The following MACROD2 variants were observed in gnomAD, a reference collection of about 807,000 sequenced individuals.
The protein encoded by MACROD2 is mono-ADP ribosylhydrolase 2, also known as ADP-ribose glycohydrolase MACROD2.
A neutral mutation model predicts 70.4 loss-of-function variants in MACROD2; 36 were observed. That is an observed-to-expected ratio of 0.51 (90% confidence interval 0.39 to 0.68). MACROD2 has a LOEUF of 0.68. MACROD2 is among the 30% of genes least tolerant of loss of function. MACROD2 has a pLI of 0.00. For missense variants in MACROD2, 496 were observed against 538.4 expected (o/e 0.92, Z 0.78); for synonymous variants, 172 against 178.8 (o/e 0.96, Z 0.30).
chr20:15,635,184 T>G (rs1231858872), intron 8 of MACROD2, among the ~76,000 whole-genome samples: 1 of 152,230 alleles, frequency 6.6e-6, no homozygotes, highest in Non-Finnish European at 1.5e-5. Flanking sequence ...TTTCCTGCAG[T>G]CAACTTTGAC....
At chr20:14,813,837 C>G (rs2072743297) in intron 5 of MACROD2, among the ~76,000 whole-genome samples, 1 of 151,982 alleles carries the variant, frequency 6.6e-6, no homozygotes, top group Admixed American at 6.6e-5. Context: ...TTCAGCCTTC[C>G]TCCCCTCCCT....
chr20:15,316,798 A>G (rs1000833418), intron 6 of MACROD2, among the ~76,000 whole-genome samples: 3 of 152,114 alleles, frequency 2.0e-5, no homozygotes, highest in Non-Finnish European at 4.4e-5. Context: ...GTAGGCCACA[A>G]AAACAATTTT....
intron 5 of MACROD2, among the ~76,000 whole-genome samples, chr20:15,021,248 A>ATGTATACACACACCTGTG (rs2075177557): frequency 1.9e-5 from 1 of 53,326 alleles, no homozygotes; most frequent in African/African-American, 9.1e-5. Flanking sequence ...ACCTGTGTGT[A>ATGTATACACACACCTGTG]TGTATACACA....
At position 14,484,202 on chromosome 20, in the gene MACROD2, A is replaced by G. The variant is rs990713600; in HGVS notation, c.272-9277A>G. ...GACTTATTTTAATAAACATATTTTA[A>G]TATGCATTTTAAAATAGTTATTAAA... On this transcript the variant is annotated intron_variant, in intron 3 of 17. Transcript: ENST00000684519. Among the ~76,000 whole-genome samples the G allele has an allele frequency of 3.3e-5, 5 of 152,200 alleles. No homozygotes were observed. In the East Asian group the frequency reaches 7.7e-4, roughly 23 times the overall value.
rs543348345 is a variant in MACROD2 at position 15,319,323 on chromosome 20, A to G, written c.540+89262A>G. 2.0e-4 allele frequency among the ~76,000 whole-genome samples: 31 copies of G among 152,354 alleles called. No individual in the cohort carries two copies. The East Asian group carries it at 6.0e-3, about 29-fold the overall frequency. On this transcript the variant is annotated intron_variant, in intron 6 of 17. Transcript: ENST00000684519. ...AATTCAAGAAGCTATAAATAAATGG[A>G]AGGCATCTAATGCTTATGAATTAGA...
In MACROD2 at chr20:15,807,297, C is replaced by T. The variant is rs1300515339; in HGVS notation, c.646-55448C>T. 3.9e-5 allele frequency among the ~76,000 whole-genome samples: 6 copies of T among 152,132 alleles called. No individual in the cohort carries two copies. In the South Asian group the frequency reaches 1.2e-3, roughly 32 times the overall value. ...ATTTTAGTGACCAAAACATGGCCTTCGTTAGGCTATGATTTTGGTGACTGA... is the reference window on the plus strand; with the variant it reads ...ATTTTAGTGACCAAAACATGGCCTTTGTTAGGCTATGATTTTGGTGACTGA... On this transcript the variant is annotated intron_variant, in intron 8 of 17. Transcript: ENST00000684519.
chr20:14,424,305 T>C (rs2083910772), intron 3 of MACROD2, among the ~76,000 whole-genome samples: 1 of 152,130 alleles, frequency 6.6e-6, no homozygotes, highest in Non-Finnish European at 1.5e-5. Flanking sequence ...TACCTCTTAC[T>C]CTTTTCAGGT....
chr20:15,038,182 C>A (rs2075328713), intron 5 of MACROD2, among the ~76,000 whole-genome samples: 1 of 152,106 alleles, frequency 6.6e-6, no homozygotes, highest in East Asian at 1.9e-4. Flanking sequence ...TCATATAGTT[C>A]TTTTACATCG....
intron 8 of MACROD2, among the ~76,000 whole-genome samples, chr20:15,574,629 T>A (rs892524928): frequency 6.6e-6 from 1 of 152,152 alleles, no homozygotes; most frequent in African/African-American, 2.4e-5. Flanking sequence ...CTCAGGGCAA[T>A]CCAAATCATA....
At chr20:15,212,233 C>T (rs1003181642) in intron 5 of MACROD2, among the ~76,000 whole-genome samples, 5 of 152,068 alleles carry the variant, frequency 3.3e-5, no homozygotes, top group Non-Finnish European at 7.4e-5. Flanking sequence ...AGCTTTTTTC[C>T]TTCATTTTGG....
intron 5 of MACROD2, among the ~76,000 whole-genome samples, chr20:14,843,232 A>G (rs1376127306): frequency 7.2e-6 from 1 of 139,520 alleles, no homozygotes; most frequent in Non-Finnish European, 1.5e-5. Context: ...GACTGGGGCT[A>G]GGAAAGAAAG....
At chr20:14,435,787 A>G (rs531301187) in intron 3 of MACROD2, among the ~76,000 whole-genome samples, 39 of 151,990 alleles carry the variant, frequency 2.6e-4, no homozygotes, top group African/African-American at 9.4e-4. Flanking sequence ...TTTCACTGCA[A>G]CCTCTGCCTT....
intron 7 of MACROD2, among the ~76,000 whole-genome samples, chr20:15,474,723 G>A (rs1022273484): frequency 2.2e-4 from 33 of 152,182 alleles, no homozygotes; most frequent in African/African-American, 7.7e-4. Context: ...AATTGCTTTT[G>A]TGCAAGAGAA....
chr20:14,833,649 C>T (rs543339268), intron 5 of MACROD2, among the ~76,000 whole-genome samples: 13 of 152,038 alleles, frequency 8.6e-5, no homozygotes, highest in African/African-American at 2.9e-4. Flanking sequence ...TCAATTATTT[C>T]GATTTTACTC....
chr20:15,253,357 C>A (rs2077172140), intron 6 of MACROD2, among the ~76,000 whole-genome samples: 1 of 152,084 alleles, frequency 6.6e-6, no homozygotes, highest in Non-Finnish European at 1.5e-5. Context: ...GTTTCCTGAC[C>A]CCTGGTCTAT....
At chr20:15,333,218 A>G (rs1040428323) in intron 6 of MACROD2, among the ~76,000 whole-genome samples, 1 of 151,548 alleles carries the variant, frequency 6.6e-6, no homozygotes, top group Non-Finnish European at 1.5e-5. Context: ...GTGCATGAGA[A>G]ACTCCAGGTA....
intron 2 of MACROD2, chr20:14,003,660 C>A: frequency 2.2e-6 from 1 of 451,174 alleles, no homozygotes; most frequent in Non-Finnish European, 4.4e-6. Context: ...GGGTGGGAAG[C>A]CAGAGCCACC....
intron 3 of MACROD2, among the ~76,000 whole-genome samples, chr20:14,320,663 A>ATT (rs11087086): frequency 7.2e-4 from 89 of 123,674 alleles, no homozygotes; most frequent in Middle Eastern, 9.5e-3. Flanking sequence ...CACCTTTGGA[A>ATT]TTTTTTTTTT....
chr20:16,035,055 ATAAAATATTAT>A (rs1270351106), intron 15 of MACROD2, among the ~76,000 whole-genome samples: 4 of 137,878 alleles, frequency 2.9e-5, no homozygotes, highest in Non-Finnish European at 6.2e-5. Context: ...AATATAGAAT[ATAAAATATTAT>A]ATATAAAATA....
Sources: allele counts gnomAD v4.1 joint callset (sites outside exome capture counted in the v4.1 genomes callset), GRCh38; gene constraint gnomAD v4.1.1; transcripts MANE v1.5; gene names NCBI Gene and HGNC (gene_info 2026-07-23, HGNC 2026-07-21).